RCC1L: variants seen among roughly 807,000 people sequenced by gnomAD.
RCC1L encodes the protein RCC1-like G exchanging factor-like protein.
In RCC1L, 46 loss-of-function variants were observed where a neutral mutation model predicts 58.6. That is an observed-to-expected ratio of 0.79 (90% CI 0.62 to 1.00). RCC1L has a LOEUF of 1.00. Ranked by LOEUF, RCC1L falls within the 50% of genes least tolerant of loss-of-function variation. The probability of loss-of-function intolerance (pLI) is 0.00; values close to 1 mark genes in which losing one functional copy is unlikely to be tolerated. For synonymous variants in RCC1L, 281 were observed against 262.9 expected (o/e 1.07, Z -0.67); for missense variants, 636 against 623.6 (o/e 1.02, Z -0.21).
chr7:75,031,681 G>T (rs929311933), intron 10 of RCC1L, among the ~76,000 whole-genome samples: 6 of 152,036 alleles, frequency 3.9e-5, no homozygotes, highest in Non-Finnish European at 7.4e-5. Context: ...CCCCAGAGCC[G>T]GAGGGGTTGT....
rs1049270013 is a variant in RCC1L at position 75,064,566 on chromosome 7, C to A, written c.650+16G>T. 5 of 1,613,500 alleles carry A rather than the reference C, an allele frequency of 3.1e-6. No individual in the cohort carries two copies. Among genetic ancestry groups the A allele is most frequent in the Middle Eastern group, 1.6e-4 (1 of 6,078 alleles). ...TTAACTCAACATGGGGAAGGGTAGG[C>A]CTTTTAGGAACTCACCTGTAAATTT... On this transcript the variant is annotated intron_variant, in intron 4 of 10. Coordinates refer to ENST00000610322, the MANE Select transcript of RCC1L (RefSeq NM_030798.5).
At chr7:75,054,746 C>G (rs1404004697) in intron 9 of RCC1L, among the ~76,000 whole-genome samples, 1 of 152,078 alleles carries the variant, frequency 6.6e-6, no homozygotes, top group Non-Finnish European at 1.5e-5. Context: ...CGCGCCATTG[C>G]ACTCCAGCCT....
intron 10 of RCC1L, among the ~76,000 whole-genome samples, chr7:75,044,203 A>G (rs1171288456): frequency 6.6e-6 from 1 of 152,228 alleles, no homozygotes; most frequent in Non-Finnish European, 1.5e-5. Flanking sequence ...GCTATCCAGG[A>G]AAGGGGCACT....
chr7:75,049,399 G>A (rs1200979964), intron 10 of RCC1L, among the ~76,000 whole-genome samples: 1 of 152,042 alleles, frequency 6.6e-6, no homozygotes, highest in Non-Finnish European at 1.5e-5. Flanking sequence ...GGTGGCACAT[G>A]CCTGTAATCT....
chr7:75,066,913 C>T lies in RCC1L; in HGVS notation c.455-121G>A. 3 of 1,348,234 alleles carry T rather than the reference C, an allele frequency of 2.2e-6. No homozygotes were observed. In the South Asian group the frequency reaches 4.8e-5, roughly 21 times the overall value. 83.5% of individuals were successfully genotyped at this position (1,348,234 alleles called of 1,614,324 possible). ...CGGAGGTAGGAAAGACTCATCAAGA[C>T]AGGTAAGTTAGGCGCAGAGCAAGGA... On this transcript the variant is annotated intron_variant, in intron 2 of 10. Transcript: ENST00000610322.
downstream of RCC1L, among the ~76,000 whole-genome samples, chr7:75,041,863 CAAAA>C (rs1201913828): frequency 3.1e-5 from 2 of 64,476 alleles, no homozygotes; most frequent in Non-Finnish European, 3.7e-5. Context: ...GACTCTGTCT[CAAAA>C]AAAAAAAAAA....
chr7:75,030,183 G>T (rs1805261715), intron 10 of RCC1L, among the ~76,000 whole-genome samples: 1 of 152,204 alleles, frequency 6.6e-6, no homozygotes, highest in South Asian at 2.1e-4. Flanking sequence ...TGCTAGGAGT[G>T]GGGGTGCAGG....
Position 75,073,629 on chromosome 7 carries a change from C to T in RCC1L, c.109G>A (p.Glu37Lys), listed in dbSNP as rs781910319. 7 of 1,496,724 alleles carry T rather than the reference C, an allele frequency of 4.7e-6. No homozygotes were observed. Among genetic ancestry groups the T allele is most frequent in the Middle Eastern group, 3.7e-4 (2 of 5,476 alleles). The allele number at this position is 1,496,724 out of a possible 1,614,324, so 92.7% of individuals were successfully genotyped here. A position where few individuals can be genotyped will look rare whatever the true frequency, so the allele number is the denominator to read the frequency against. Residue 37 changes from glutamate (E) to lysine (K), a missense_variant, in exon 1 of 11, where the codon GAA (glutamate) becomes AAA (lysine). By Grantham distance (56) the Glu-to-Lys change is moderately conservative. Transcript: ENST00000610322. Reference sequence around the variant, plus strand: ...ACCTCCGCCTCGGCTTCTGCCGCTTCGCGCCGGCTCCGGGAGCGCCCGGCC... The same window carrying T: ...ACCTCCGCCTCGGCTTCTGCCGCTTTGCGCCGGCTCCGGGAGCGCCCGGCC... Reference protein sequence around the residue: ...TAAGRSRSRREAAEAEAEVPV... With the variant: ...TAAGRSRSRRKAAEAEAEVPV...
rs1242740679 is a variant in RCC1L, at chr7:75,059,984, G to A, written c.788-1215C>T. 3.3e-5 allele frequency among the ~76,000 whole-genome samples: 5 copies of A among 151,394 alleles called. No homozygotes were observed. In the East Asian group the frequency reaches 7.9e-4, roughly 24 times the overall value. ...TTACCGTGTCAGCCAGGATGGTCTC[G>A]ATCTCTTGACCTCGTGATCCACCTG... On this transcript the variant is annotated intron_variant, in intron 6 of 10. Coordinates refer to ENST00000610322, the MANE Select transcript of RCC1L (RefSeq NM_030798.5).
chr7:75,051,540 G>A (rs1262596500), intron 10 of RCC1L, among the ~76,000 whole-genome samples: 1 of 151,864 alleles, frequency 6.6e-6, no homozygotes, highest in Non-Finnish European at 1.5e-5. Context: ...AGCCTCCCAA[G>A]TAGCTGGGAT....
intron 10 of RCC1L, among the ~76,000 whole-genome samples, chr7:75,049,475 AC>A (rs1805841050): frequency 2.6e-5 from 4 of 151,134 alleles, no homozygotes; most frequent in Non-Finnish European, 4.4e-5. Flanking sequence ...AACACATAAG[AC>A]CCCGTCTCTT....
intron 6 of RCC1L, among the ~76,000 whole-genome samples, chr7:75,060,957 C>T (rs1806257756): frequency 6.6e-6 from 1 of 152,040 alleles, no homozygotes; most frequent in South Asian, 2.1e-4. Flanking sequence ...ACCTGTTGTC[C>T]CAGCTACTCT....
intron 10 of RCC1L, among the ~76,000 whole-genome samples, chr7:75,045,670 C>T (rs1805697825): frequency 6.6e-6 from 1 of 152,170 alleles, no homozygotes; most frequent in African/African-American, 2.4e-5. Context: ...CATGCAGTAC[C>T]ATGCCCAGCT....
chr7:75,033,023 G>C (rs1805347279), intron 10 of RCC1L, among the ~76,000 whole-genome samples: 1 of 133,066 alleles, frequency 7.5e-6, no homozygotes. Flanking sequence ...AGTGAGCCGA[G>C]ATTGTGCCAC....
At chr7:75,065,170 T>C (rs1554444922) in intron 3 of RCC1L, among the ~76,000 whole-genome samples, 1 of 151,366 alleles carries the variant, frequency 6.6e-6, no homozygotes, top group African/African-American at 2.4e-5. Context: ...ATTTTCGACA[T>C]TAACGTTTAC....
intron 6 of RCC1L, among the ~76,000 whole-genome samples, chr7:75,060,790 A>AG (rs1190097563): frequency 6.6e-6 from 1 of 152,066 alleles, no homozygotes; most frequent in East Asian, 1.9e-4. Flanking sequence ...ATGCAAAAAA[A>AG]AAGTATTACA....
downstream of RCC1L, among the ~76,000 whole-genome samples, chr7:75,037,185 C>T (rs1002131164): frequency 3.0e-4 from 46 of 152,172 alleles, no homozygotes; most frequent in African/African-American, 9.9e-4. Flanking sequence ...TATTTATTTA[C>T]GTATTTATTT....
chr7:75,063,201 C>G, intron 5 of RCC1L, 91 bp downstream of exon 5: 5 of 1,325,900 alleles, frequency 3.8e-6, no homozygotes, highest in Non-Finnish European at 5.5e-6. Flanking sequence ...AGAAAATCCC[C>G]CTAACAAATT....
intron 10 of RCC1L, among the ~76,000 whole-genome samples, chr7:75,034,646 G>A (rs1805394458): frequency 1.3e-5 from 2 of 152,228 alleles, no homozygotes; most frequent in South Asian, 4.1e-4. Context: ...ATGTCTACCC[G>A]AGCTGAGTGG....
Sources: allele counts gnomAD v4.1 joint callset (sites outside exome capture counted in the v4.1 genomes callset), GRCh38; gene constraint gnomAD v4.1.1; transcripts MANE v1.5; gene names NCBI Gene and HGNC (gene_info 2026-07-23, HGNC 2026-07-21).